Variants in ZNRF1 observed in about 807,000 individuals in gnomAD.
ZNRF1 encodes the protein E3 ubiquitin-protein ligase ZNRF1.
A neutral mutation model predicts 18.4 loss-of-function variants in ZNRF1; 3 were observed. That is an observed-to-expected ratio of 0.16 (90% CI 0.07 to 0.42). The LOEUF is 0.42. Among genes scored for constraint, ZNRF1 ranks in the 10% least tolerant of loss-of-function variants. The pLI, the probability that ZNRF1 is intolerant of heterozygous loss-of-function variation, is 0.99. For missense variants in ZNRF1, 310 were observed against 329.8 expected (o/e 0.94, Z 0.47); for synonymous variants, 157 against 144.2 (o/e 1.09, Z -0.64).
At chr16:75,069,648 G>A (rs563177584) in intron 1 of ZNRF1, among the ~76,000 whole-genome samples, 9 of 152,222 alleles carry the variant, frequency 5.9e-5, no homozygotes, top group South Asian at 2.1e-4. Flanking sequence ...TCCTGACCTC[G>A]TGATCCACCC....
chr16:75,068,827 C>T (rs1390149582), intron 1 of ZNRF1, among the ~76,000 whole-genome samples: 3 of 152,086 alleles, frequency 2.0e-5, no homozygotes, highest in African/African-American at 7.2e-5. Flanking sequence ...GGCCCGAGAA[C>T]ACACTTCCCT....
At chr16:75,006,638 GT>G in intron 1 of ZNRF1, among the ~76,000 whole-genome samples, 1 of 152,248 alleles carries the variant, frequency 6.6e-6, no homozygotes, top group Non-Finnish European at 1.5e-5. Context: ...GTTTCACCAT[GT>G]TGGCCAGGCT....
At chr16:75,082,377 A>C (rs1452498439) in intron 1 of ZNRF1, among the ~76,000 whole-genome samples, 1 of 152,144 alleles carries the variant, frequency 6.6e-6, no homozygotes, top group East Asian at 1.9e-4. Context: ...CCCATTCTTC[A>C]TGTGGCTGGA....
chr16:75,049,981 A>G (rs1336473443), intron 1 of ZNRF1, among the ~76,000 whole-genome samples: 1 of 151,706 alleles, frequency 6.6e-6, no homozygotes, highest in Non-Finnish European at 1.5e-5. Flanking sequence ...AGTCATACCC[A>G]TCTCTCTTCC....
intron 1 of ZNRF1, among the ~76,000 whole-genome samples, chr16:75,020,901 G>C (rs1393377386): frequency 6.6e-6 from 1 of 152,076 alleles, no homozygotes; most frequent in Admixed American, 6.6e-5. Flanking sequence ...TTTCAGTTCT[G>C]TTACAGGCTA....
intron 1 of ZNRF1, among the ~76,000 whole-genome samples, chr16:75,056,028 G>A (rs536590702): frequency 6.6e-6 from 1 of 152,312 alleles, no homozygotes; most frequent in Admixed American, 6.5e-5. Context: ...GTATTTCTAT[G>A]TAATGGGGCA....
At chr16:75,038,559 A>AAGAG (rs2035402370) in intron 1 of ZNRF1, among the ~76,000 whole-genome samples, 1 of 152,226 alleles carries the variant, frequency 6.6e-6, no homozygotes, top group African/African-American at 2.4e-5. Context: ...AGGAGAGGGG[A>AAGAG]CATTGCTGAA....
intron 1 of ZNRF1, among the ~76,000 whole-genome samples, chr16:75,064,430 C>T (rs1005116309): frequency 6.6e-6 from 1 of 151,970 alleles, no homozygotes; most frequent in Non-Finnish European, 1.5e-5. Flanking sequence ...GTAGCAGATG[C>T]CTGTAATCCC....
chr16:75,072,205 C>T (rs1318401777), intron 1 of ZNRF1, among the ~76,000 whole-genome samples: 4 of 152,084 alleles, frequency 2.6e-5, no homozygotes, highest in Admixed American at 2.0e-4. Flanking sequence ...CCCCTGGACT[C>T]AAGCAGTCCT....
At chr16:75,016,261 C>T (rs1451216393) in intron 1 of ZNRF1, among the ~76,000 whole-genome samples, 8 of 150,592 alleles carry the variant, frequency 5.3e-5, no homozygotes, top group East Asian at 3.9e-4. Flanking sequence ...ATTTTTGAGA[C>T]GGAGTCTCAC....
rs371942023 is a variant in ZNRF1, at chr16:75,023,939, C to T, written c.424+23844C>T. Among the ~76,000 whole-genome samples the T allele has an allele frequency of 1.9e-4, 28 of 148,618 alleles. 2 individuals are homozygous for T. Among genetic ancestry groups the T allele is most frequent in the South Asian group, 1.7e-3 (8 of 4,678 alleles). ...ATGCTGGAGTGCAGTGGTGTGATCT[C>T]GGCCCACTGCAATCTCCACCTCCTG... is the stretch of plus-strand genomic sequence containing the variant. On this transcript the variant is annotated intron_variant, in intron 1 of 4. Coordinates refer to ENST00000335325, the MANE Select transcript of ZNRF1 (RefSeq NM_032268.5).
At chr16:75,094,265 A>C (rs1381922812) in intron 2 of ZNRF1, among the ~76,000 whole-genome samples, 1 of 152,176 alleles carries the variant, frequency 6.6e-6, no homozygotes, top group Admixed American at 6.5e-5. Context: ...TTGCTGCTCC[A>C]CCCTGGCCAT....
At chr16:75,026,578 G>A (rs1253580244) in intron 1 of ZNRF1, among the ~76,000 whole-genome samples, 2 of 152,136 alleles carry the variant, frequency 1.3e-5, no homozygotes, top group Non-Finnish European at 2.9e-5. Context: ...TGCTTTCATA[G>A]CAGTTTTTCT....
chr16:75,108,028 A>G lies in ZNRF1; in HGVS notation c.*328A>G. ...ACAAAAAAAAATTATATAAAAAAAA[A>G]GTCTAGTGTCGACTGGTGTTTTCCC... On this transcript the variant is annotated 3_prime_UTR_variant, in exon 5 of 5. Transcript: ENST00000335325. The G allele has an allele frequency of 3.1e-6, 1 of 317,732 alleles. No homozygotes were observed. Among genetic ancestry groups the G allele is most frequent in the Non-Finnish European group, 6.2e-6 (1 of 162,044 alleles). 19.7% of individuals were successfully genotyped at this position (317,732 alleles called of 1,614,324 possible).
chr16:75,016,152 C>T (rs1390270202), intron 1 of ZNRF1, among the ~76,000 whole-genome samples: 2 of 151,890 alleles, frequency 1.3e-5, no homozygotes, highest in African/African-American at 4.8e-5. Context: ...GATCTCCTGA[C>T]CTCGTGACCC....
chr16:75,071,192 C>G (rs539047770), intron 1 of ZNRF1, among the ~76,000 whole-genome samples: 10 of 152,082 alleles, frequency 6.6e-5, no homozygotes, highest in Non-Finnish European at 1.2e-4. Context: ...CTCCGCCTCC[C>G]GGGTTCAAGT....
In ZNRF1 at chr16:75,050,541, G is replaced by A. The variant is rs377386014; in HGVS notation, c.425-43031G>A. ...GCCTTGTCTCAACAATCAATCAATCGATCGTGTGTTCCTGATATTAAAAAA... is the reference window on the plus strand; with the variant it reads ...GCCTTGTCTCAACAATCAATCAATCAATCGTGTGTTCCTGATATTAAAAAA... On this transcript the variant is annotated intron_variant, in intron 1 of 4. Coordinates refer to ENST00000335325, the MANE Select transcript of ZNRF1 (RefSeq NM_032268.5). 1.7e-4 allele frequency among the ~76,000 whole-genome samples: 25 copies of A among 149,980 alleles called. 2 individuals are homozygous for A. The highest frequency in any genetic ancestry group is 1.3e-3 in the South Asian group (6 of 4,704).
At position 75,052,990 on chromosome 16, in the gene ZNRF1, C is replaced by T. The variant is rs553683286; in HGVS notation, c.425-40582C>T. On this transcript the variant is annotated intron_variant, in intron 1 of 4. Transcript: ENST00000335325. ...CTGCCACTGGGGACATGATGTGAAT[C>T]GGCGCCCTCTGACTTAGCTCCATGG... is the stretch of plus-strand genomic sequence containing the variant. Among the ~76,000 whole-genome samples the T allele has an allele frequency of 2.4e-4, 37 of 152,258 alleles. No individual in the cohort carries two copies. In the South Asian group the frequency reaches 2.5e-3, roughly 10 times the overall value.
chr16:75,073,107 A>C (rs1325086440), intron 1 of ZNRF1, among the ~76,000 whole-genome samples: 1 of 116,150 alleles, frequency 8.6e-6, no homozygotes, highest in Non-Finnish European at 1.8e-5. Context: ...TGGGTAACAT[A>C]GTGAGACCCC....
Sources: gnomAD v4.1 joint callset for allele counts (sites outside exome capture counted in the v4.1 genomes callset) on GRCh38, gnomAD v4.1.1 for gene constraint, MANE v1.5 for transcripts, NCBI Gene and HGNC (gene_info 2026-07-23, HGNC 2026-07-21) for gene names.